CCDC180: variants seen among roughly 807,000 people sequenced by gnomAD.
The protein encoded by CCDC180 is coiled-coil domain-containing protein 180.
A neutral mutation model predicts 209.2 loss-of-function variants in CCDC180; 154 were observed. The observed-to-expected ratio is 0.74, with a 90% CI of 0.65 to 0.84. CCDC180 has a LOEUF of 0.84. CCDC180 is among the 40% of genes least tolerant of loss of function. The probability of loss-of-function intolerance (pLI) is 0.00; values close to 1 mark genes in which losing one functional copy is unlikely to be tolerated. For synonymous variants in CCDC180, 778 were observed against 749.1 expected (o/e 1.04, Z -0.63); for missense variants, 1,874 against 1,997.3 (o/e 0.94, Z 1.18).
At chr9:97,364,232 A>G (rs932763521) in intron 29 of CCDC180, 104 bp downstream of exon 29, 4 of 1,059,380 alleles carry the variant, frequency 3.8e-6, no homozygotes, top group South Asian at 1.4e-5. Context: ...GGGGAAAGGC[A>G]GGTCCAAGCA....
intron 5 of CCDC180, among the ~76,000 whole-genome samples, chr9:97,313,893 C>T (rs1036732730): frequency 6.6e-6 from 1 of 152,194 alleles, no homozygotes; most frequent in Non-Finnish European, 1.5e-5. Context: ...TCCCCTTCTC[C>T]CTGAGTCTTT....
intron 26 of CCDC180, among the ~76,000 whole-genome samples, chr9:97,360,323 C>T (rs1388309680): frequency 1.3e-5 from 2 of 152,044 alleles, no homozygotes; most frequent in East Asian, 1.9e-4. Flanking sequence ...AGAGGAGACC[C>T]CTCAGCTCCT....
chr9:97,349,190 G>A lies in CCDC180; in HGVS notation c.2754G>A (p.Met918Ile). Residue 918 changes from methionine to isoleucine, a missense_variant, in exon 21 of 37, where the codon ATG becomes ATA. By Grantham distance (10) the Met-to-Ile change is conservative. Coordinates refer to ENST00000529487, the MANE Select transcript of CCDC180 (RefSeq NM_020893.6). Reference sequence around the variant, plus strand: ...AGACGCTGAAGAAGAAGCGGCTGATGTTCTGCCAGTTCCAAGAAGAGCAAA... The same window carrying A: ...AGACGCTGAAGAAGAAGCGGCTGATATTCTGCCAGTTCCAAGAAGAGCAAA... ...VTETLKKKRL[M>I]FCQFQEEQNV... The A allele has an allele frequency of 2.6e-6, 4 of 1,536,466 alleles. No individual in the cohort carries two copies. The highest frequency in any genetic ancestry group is 1.7e-4 in the Middle Eastern group (1 of 5,990).
At position 97,377,031 on chromosome 9, in the gene CCDC180, C is replaced by A; in HGVS notation, c.*137C>A. On this transcript the variant is annotated 3_prime_UTR_variant, in exon 37 of 37. Coordinates refer to ENST00000529487, the MANE Select transcript of CCDC180 (RefSeq NM_020893.6). ...CTCTGTGCCGGGCACTGTAGCTTTA[C>A]CAGCGAACAGGACACAGCATGGTCC... The A allele has an allele frequency of 1.0e-6, 1 of 987,052 alleles. No individual in the cohort carries two copies. The highest frequency in any genetic ancestry group is 2.9e-5 in the East Asian group (1 of 34,328). 61.1% of individuals were successfully genotyped at this position (987,052 alleles called of 1,614,324 possible).
At chr9:97,363,739 T>C (rs1826834902) in intron 28 of CCDC180, 4 of 523,440 alleles carry the variant, frequency 7.6e-6, no homozygotes, top group Admixed American at 2.5e-5. Context: ...ATGTTTTTTT[T>C]TCTTTGGGTC....
intron 13 of CCDC180, among the ~76,000 whole-genome samples, chr9:97,324,738 T>TC (rs1201267682): frequency 6.6e-6 from 1 of 152,200 alleles, no homozygotes; most frequent in Non-Finnish European, 1.5e-5. Context: ...TGGCCCAAAC[T>TC]CCATCTTCTT....
intron 21 of CCDC180, 58 bp downstream of exon 21, chr9:97,349,349 TG>T: frequency 1.4e-6 from 2 of 1,467,356 alleles, no homozygotes; most frequent in Non-Finnish European, 1.8e-6. Flanking sequence ...CCAGTTCGGC[TG>T]CTGCTTTCAA....
Position 97,309,396 on chromosome 9 carries a change from G to T in CCDC180, c.70-18G>T, listed in dbSNP as rs751888188. On this transcript the variant is annotated intron_variant, in intron 2 of 36. Transcript: ENST00000529487. ...CAGCTCTGACCACTCCCCCATCCTT[G>T]GTCCTCCCTGGATTCAGGTGCAGCT... 1.9e-6 allele frequency: 3 copies of T among 1,594,946 alleles called. No homozygotes were observed. In the East Asian group the frequency reaches 6.9e-5, roughly 37 times the overall value.
In CCDC180 at chr9:97,354,873, C is replaced by G. The variant is rs1202046665; in HGVS notation, c.3148-19C>G. ...TCCAAATTAAGCCCCTGTCCTTTAC[C>G]CTTTATCTCTCTGTACAGGCCAATG... On this transcript the variant is annotated intron_variant, in intron 23 of 36. Transcript: ENST00000529487. The G allele has an allele frequency of 5.0e-6, 8 of 1,590,108 alleles. No homozygotes were observed. The highest frequency in any genetic ancestry group is 6.9e-6 in the Non-Finnish European group (8 of 1,158,386).
At chr9:97,361,976 C>A in intron 27 of CCDC180, 78 bp downstream of exon 27, 1 of 1,519,112 alleles carries the variant, frequency 6.6e-7, no homozygotes, top group East Asian at 2.3e-5. Flanking sequence ...AGCTTTGGGG[C>A]CCCACACACT....
At chr9:97,308,656 G>A (rs1231624900) in intron 2 of CCDC180, among the ~76,000 whole-genome samples, 2 of 152,192 alleles carry the variant, frequency 1.3e-5, no homozygotes, top group Non-Finnish European at 2.9e-5. Flanking sequence ...CTAAAGCACT[G>A]TATAGACAAA....
intron 18 of CCDC180, among the ~76,000 whole-genome samples, chr9:97,331,491 T>C (rs891843670): frequency 6.6e-6 from 1 of 152,164 alleles, no homozygotes; most frequent in Non-Finnish European, 1.5e-5. Context: ...CTTTGAGAAA[T>C]TGCCACACTG....
intron 26 of CCDC180, among the ~76,000 whole-genome samples, 164 bp downstream of exon 26, chr9:97,360,265 C>T (rs930824801): frequency 6.6e-6 from 1 of 152,114 alleles, no homozygotes; most frequent in Non-Finnish European, 1.5e-5. Flanking sequence ...GCTGTGAAGT[C>T]AGAGCTGGAT....
Position 97,354,686 on chromosome 9 carries a change from G to A in CCDC180, c.3120G>A (p.Glu1040=). The change falls in exon 23 of 37, where the codon GAG becomes GAA. Residue 1040 remains glutamate (E), a synonymous_variant. Coordinates refer to ENST00000529487, the MANE Select transcript of CCDC180 (RefSeq NM_020893.6). ...AAAGTGTCATCATGCTCAACATGGA[G>A]AAGTTGGAGAATGAGTACCTGGACC... ...LVESVIMLNM[E]KLENEYLDQA... 4 of 1,614,244 alleles carry A rather than the reference G, an allele frequency of 2.5e-6. No homozygotes were observed. Among genetic ancestry groups the A allele is most frequent in the African/African-American group, 1.3e-5 (1 of 75,072 alleles).
Position 97,374,535 on chromosome 9 carries a change from GCCTCTAGGGATGGAGC to G in CCDC180, c.4601-5_4611del. 1.2e-6 allele frequency: 2 copies of G among 1,610,266 alleles called. No homozygotes were observed. The highest frequency in any genetic ancestry group is 8.5e-7 in the Non-Finnish European group (1 of 1,177,076). ...GGCTGCAGTCACTAGCCTGTCTTTT[GCCTCTAGGGATGGAGC>G]CCCCCAAACAGAAATTATCAATGCT... On this transcript the variant is annotated splice_acceptor_variant and splice_polypyrimidine_tract_variant and coding_sequence_variant and intron_variant, in exon 35 of 37. Coordinates refer to ENST00000529487, the MANE Select transcript of CCDC180 (RefSeq NM_020893.6). LOFTEE classifies it high-confidence loss of function.
intron 22 of CCDC180, among the ~76,000 whole-genome samples, chr9:97,352,891 G>C (rs1336792295): frequency 1.3e-5 from 2 of 150,704 alleles, no homozygotes; most frequent in Non-Finnish European, 2.9e-5. Context: ...TATTCATTGA[G>C]TTTTCAATTT....
intron 8 of CCDC180, 121 bp from the exon 9 acceptor site, chr9:97,316,944 C>G: frequency 1.1e-6 from 1 of 906,422 alleles, no homozygotes; most frequent in Non-Finnish European, 1.7e-6. Flanking sequence ...GCAACCACCC[C>G]ACTTGGCCCT....
At chr9:97,354,419 C>T (rs1362429710) in intron 22 of CCDC180, 150 bp from the exon 23 acceptor site, 7 of 759,232 alleles carry the variant, frequency 9.2e-6, no homozygotes, top group East Asian at 2.6e-5. Context: ...GAATCCTACT[C>T]CTGTCCTTAA....
In CCDC180 at chr9:97,366,751, A is replaced by C; in HGVS notation, c.4189+51A>C. 1 of 1,594,916 alleles carries C rather than the reference A, an allele frequency of 6.3e-7. No individual in the cohort carries two copies. Among genetic ancestry groups the C allele is most frequent in the Middle Eastern group, 1.7e-4 (1 of 5,882 alleles). ...GGGGAACAGGGCGGGGCGCGAAGCC[A>C]GTGGTGGAGCTCGGCCTTGGCCTTG... On this transcript the variant is annotated intron_variant, in intron 31 of 36. Transcript: ENST00000529487. This position sits in a 1 kb window ranked among gnomAD's most constrained non-coding sequence, Gnocchi z 4.3.
Sources: gnomAD v4.1 joint callset for allele counts (sites outside exome capture counted in the v4.1 genomes callset) on GRCh38, gnomAD v4.1.1 for gene constraint, Gnocchi (gnomAD v3.1) non-coding constraint, MANE v1.5 for transcripts, NCBI Gene and HGNC (gene_info 2026-07-23, HGNC 2026-07-21) for gene names.